Variants in EHHADH observed in about 807,000 individuals in gnomAD.
The protein encoded by EHHADH is peroxisomal bifunctional enzyme.
EHHADH carries 48 observed loss-of-function variants against 64.4 expected under a neutral mutation model. That is an observed-to-expected ratio of 0.75 (90% CI 0.59 to 0.95). EHHADH has a LOEUF of 0.95. EHHADH is among the 40% of genes least tolerant of loss of function. The probability of loss-of-function intolerance (pLI) is 0.00; values close to 1 mark genes in which losing one functional copy is unlikely to be tolerated. For synonymous variants in EHHADH, 308 were observed against 326.7 expected (o/e 0.94, Z 0.62); for missense variants, 854 against 876.6 (o/e 0.97, Z 0.33).
intron 6 of EHHADH, among the ~76,000 whole-genome samples, chr3:185,196,514 C>T (rs758721920): frequency 6.6e-6 from 1 of 152,080 alleles, no homozygotes; most frequent in African/African-American, 2.4e-5. Context: ...GTGGTGCACA[C>T]CTGTAATCCC....
At position 185,193,449 on chromosome 3, in the gene EHHADH, C is replaced by A. The variant is rs776981445; in HGVS notation, c.949G>T (p.Ala317Ser). The A allele has an allele frequency of 6.2e-7, 1 of 1,614,072 alleles. No individual in the cohort carries two copies. Among genetic ancestry groups the A allele is most frequent in the Non-Finnish European group, 8.5e-7 (1 of 1,180,012 alleles). The change falls in exon 7 of 7, where the codon GCA becomes TCA. Residue 317 changes from alanine (A) to serine (S), a missense_variant. Ala to Ser is a moderately conservative substitution (Grantham distance 99). Coordinates refer to ENST00000231887, the MANE Select transcript of EHHADH (RefSeq NM_001966.4). ...TMGRGIVISF[A>S]RARIPVIAVD... ...GCAATCACAGGAATCCTGGCCCTTG[C>A]AAAAGAAATGACAATGCCTCGGCCC...
At chr3:185,228,257 A>AAAAAAAAAAAAAT (rs1367786172) in intron 4 of EHHADH, among the ~76,000 whole-genome samples, 1 of 22,008 alleles carries the variant, frequency 4.5e-5, no homozygotes, top group African/African-American at 1.2e-4. Flanking sequence ...AAAAAAAAAA[A>AAAAAAAAAAAAAT]ATATATATAT....
intron 6 of EHHADH, among the ~76,000 whole-genome samples, chr3:185,194,657 A>C (rs1718006955): frequency 6.6e-6 from 1 of 150,962 alleles, no homozygotes; most frequent in Non-Finnish European, 1.5e-5. Flanking sequence ...AAAATTAGCC[A>C]GGCATGATGG....
intron 5 of EHHADH, among the ~76,000 whole-genome samples, chr3:185,205,857 T>C (rs1041559893): frequency 6.6e-6 from 1 of 152,036 alleles, no homozygotes; most frequent in African/African-American, 2.4e-5. Flanking sequence ...AATACTGTTA[T>C]TGGCAAGGGT....
chr3:185,199,369 G>T (rs1489412450), intron 6 of EHHADH, among the ~76,000 whole-genome samples: 3 of 152,182 alleles, frequency 2.0e-5, no homozygotes, highest in African/African-American at 7.2e-5. Flanking sequence ...AGTAACTGTG[G>T]TCAATGAAAT....
chr3:185,214,480 A>G (rs1294730257), intron 5 of EHHADH, among the ~76,000 whole-genome samples: 1 of 152,170 alleles, frequency 6.6e-6, no homozygotes, highest in Admixed American at 6.5e-5. Flanking sequence ...TGGCCTCCCA[A>G]AGTCATCCAT....
intron 2 of EHHADH, among the ~76,000 whole-genome samples, chr3:185,241,609 A>C (rs1719455242): frequency 6.6e-6 from 1 of 151,984 alleles, no homozygotes; most frequent in Non-Finnish European, 1.5e-5. Flanking sequence ...TCTTTTGAGA[A>C]TTGTCTATTC....
At position 185,204,610 on chromosome 3, in the gene EHHADH, G is replaced by A. The variant is rs1200939053; in HGVS notation, c.716C>T (p.Ala239Val). The A allele has an allele frequency of 6.2e-7, 1 of 1,614,230 alleles. No homozygotes were observed. Among genetic ancestry groups the A allele is most frequent in the South Asian group, 1.1e-5 (1 of 91,090 alleles). Residue 239 changes from alanine to valine, a missense_variant, in exon 6 of 7, where the codon GCT becomes GTT. Coordinates refer to ENST00000231887, the MANE Select transcript of EHHADH (RefSeq NM_001966.4). ...CACTTCATAGGGATACTGCACAGCA[G>A]CCTGGACTGCACGGACACAAGCCTC... Reference protein sequence around the residue: ...AQEACVRAVQAAVQYPYEVGI... With the variant: ...AQEACVRAVQVAVQYPYEVGI...
At chr3:185,194,048 G>A (rs970932930) in intron 6 of EHHADH, among the ~76,000 whole-genome samples, 3 of 152,126 alleles carry the variant, frequency 2.0e-5, no homozygotes, top group Non-Finnish European at 2.9e-5. Context: ...ATCCCAGCTG[G>A]TTTTTTGCAG....
At chr3:185,204,878 GA>G (rs879799869) in intron 5 of EHHADH, 121 bp from the exon 6 acceptor site, 30 of 733,282 alleles carry the variant, frequency 4.1e-5, no homozygotes, top group African/African-American at 7.1e-5. Context: ...TATTCATTAA[GA>G]CATTTAATGT....
chr3:185,210,951 T>C (rs1560011070), intron 5 of EHHADH, among the ~76,000 whole-genome samples: 1 of 152,228 alleles, frequency 6.6e-6, no homozygotes, highest in Non-Finnish European at 1.5e-5. Context: ...AGACTGCATA[T>C]GGGCATTTTG....
At chr3:185,214,093 C>G (rs538453169) in intron 5 of EHHADH, among the ~76,000 whole-genome samples, 1 of 152,058 alleles carries the variant, frequency 6.6e-6, no homozygotes, top group African/African-American at 2.4e-5. Context: ...TGATCTCCAG[C>G]GTTTGTCTAT....
At chr3:185,208,624 A>C (rs917827713) in intron 5 of EHHADH, among the ~76,000 whole-genome samples, 2 of 152,256 alleles carry the variant, frequency 1.3e-5, no homozygotes, top group Non-Finnish European at 2.9e-5. Context: ...TTGTTTCTTA[A>C]AAAGATAAAC....
At chr3:185,204,325 C>T (rs1184265714) in intron 6 of EHHADH, 91 bp downstream of exon 6, 22 of 1,180,910 alleles carry the variant, frequency 1.9e-5, no homozygotes, top group East Asian at 2.4e-5. Flanking sequence ...ATGTGTCTTA[C>T]GTGAAACCTA....
chr3:185,239,678 G>GGAA (rs940612081), intron 2 of EHHADH, among the ~76,000 whole-genome samples: 4 of 152,040 alleles, frequency 2.6e-5, no homozygotes, highest in African/African-American at 9.7e-5. Context: ...AGAGTCTTTT[G>GGAA]GAAGAGTCGT....
chr3:185,224,501 C>CAAA (rs757023353), intron 4 of EHHADH, among the ~76,000 whole-genome samples: 110 of 51,372 alleles, frequency 2.1e-3, no homozygotes, highest in African/African-American at 4.9e-3. Flanking sequence ...ACCCTGTCAC[C>CAAA]AAAAAAAAAA....
In EHHADH at chr3:185,253,888, G is replaced by A. The variant is rs1719820798; in HGVS notation, c.74+61C>T. 8 of 1,597,266 alleles carry A rather than the reference G, an allele frequency of 5.0e-6. No homozygotes were observed. The African/African-American group carries it at 9.4e-5, about 19-fold the overall frequency. ...CCGACGGGGGAGAGTCAAAGCCTCC[G>A]GAGCCAGAGGGCGGCTAAGGCCCGC... On this transcript the variant is annotated intron_variant, in intron 1 of 6. Coordinates refer to ENST00000231887, the MANE Select transcript of EHHADH (RefSeq NM_001966.4).
intron 4 of EHHADH, among the ~76,000 whole-genome samples, chr3:185,223,350 C>A (rs1361263721): frequency 6.6e-6 from 1 of 152,034 alleles, no homozygotes; most frequent in South Asian, 2.1e-4. Context: ...TCTTATTTAA[C>A]AAAATATTTT....
intron 3 of EHHADH, among the ~76,000 whole-genome samples, chr3:185,232,443 T>A (rs977406569): frequency 6.6e-6 from 1 of 152,184 alleles, no homozygotes; most frequent in South Asian, 2.1e-4. Flanking sequence ...CCGCCACTTA[T>A]AATGATTTTT....
Sources: gnomAD v4.1 joint callset for allele counts (sites outside exome capture counted in the v4.1 genomes callset) on GRCh38, gnomAD v4.1.1 for gene constraint, MANE v1.5 for transcripts, NCBI Gene and HGNC (gene_info 2026-07-23, HGNC 2026-07-21) for gene names.